The following CSF2RA variants were observed in gnomAD, a reference collection of about 807,000 sequenced individuals.
CSF2RA encodes the protein colony stimulating factor 2 receptor subunit alpha.
A neutral mutation model predicts 51.6 loss-of-function variants in CSF2RA; 42 were observed. The observed-to-expected ratio is 0.81, with a 90% confidence interval of 0.64 to 1.05. CSF2RA has a LOEUF of 1.05. Among genes scored for constraint, CSF2RA ranks in the 50% least tolerant of loss-of-function variants. The probability of loss-of-function intolerance (pLI) is 0.00; values close to 1 mark genes in which losing one functional copy is unlikely to be tolerated. For missense variants in CSF2RA, 530 were observed against 501.1 expected (o/e 1.06, Z -0.55); for synonymous variants, 222 against 193.0 (o/e 1.15, Z -1.24).
chrX:1,280,136 G>A (rs1237075040), intron 2 of CSF2RA, among the ~76,000 whole-genome samples: 3 of 152,002 alleles, frequency 2.0e-5, no homozygotes, highest in Admixed American at 2.0e-4. Context: ...GGAACCTCAG[G>A]GTGGACAGAT....
Position 1,300,599 on chromosome X carries a change from A to AGC in CSF2RA, c.920_921dup (p.Ser308AlafsTer25), listed in dbSNP as rs1196937077. On this transcript the variant is annotated frameshift_variant, in exon 10 of 13. Transcript: ENST00000381529. LOFTEE classifies it high-confidence loss of function. Reference sequence around the variant, plus strand: ...TGCAGACGTCCGCATCTTGAATTGGAGCTCCTGGAGTGAAGCCATTGAATT... The same window carrying AGC: ...TGCAGACGTCCGCATCTTGAATTGGAGCGCTCCTGGAGTGAAGCCATTGAATT... 2 of 1,613,896 alleles carry AGC rather than the reference A, an allele frequency of 1.2e-6. No homozygotes were observed. Among genetic ancestry groups the AGC allele is most frequent in the African/African-American group, 2.7e-5 (2 of 75,028 alleles).
chrX:1,315,529 G>A, the CSF2RA span, among the ~76,000 whole-genome samples: 18 of 152,090 alleles, frequency 1.2e-4, no homozygotes, highest in African/African-American at 4.3e-4. Flanking sequence ...TCAGCCTCTT[G>A]AGTAGCTGAG....
chrX:1,291,290 CTTCCT>C (rs2091372311), intron 7 of CSF2RA, among the ~76,000 whole-genome samples: 3 of 131,354 alleles, frequency 2.3e-5, no homozygotes, highest in Admixed American at 2.2e-4. Flanking sequence ...TTCTTCCTTC[CTTCCT>C]TCCTTCCCTC....
rs2091386749 is a variant in CSF2RA at position 1,291,396 on chromosome X, C to T, written c.646+887C>T. ...CTCCCTTCTTCATTCCTTCCTTCTTCCTCTCCTTCCTTCTCCTTCACTCAT... is the reference window on the plus strand; with the variant it reads ...CTCCCTTCTTCATTCCTTCCTTCTTTCTCTCCTTCCTTCTCCTTCACTCAT... On this transcript the variant is annotated intron_variant, in intron 7 of 12. Coordinates refer to ENST00000381529, the MANE Select transcript of CSF2RA (RefSeq NM_172245.4). Among the ~76,000 whole-genome samples, 4 of 145,002 alleles carry T rather than the reference C, an allele frequency of 2.8e-5. 1 individual carries two copies. In the South Asian group the frequency reaches 9.4e-4, roughly 34 times the overall value.
chrX:1,314,513 T>G (rs1373887753), downstream of CSF2RA, among the ~76,000 whole-genome samples: 6 of 114,806 alleles, frequency 5.2e-5, no homozygotes, highest in African/African-American at 2.1e-4. Context: ...CCAACCGCAC[T>G]GCACCTGCCC....
chrX:1,321,602 G>C, the CSF2RA span, among the ~76,000 whole-genome samples: 1 of 151,380 alleles, frequency 6.6e-6, no homozygotes, highest in Non-Finnish European at 1.5e-5. Context: ...AACGCAGACA[G>C]CATTTCAGTA....
chrX:1,300,365 G>GA (rs372235483), intron 9 of CSF2RA, 126 bp from the exon 10 acceptor site: 93 of 1,235,202 alleles, frequency 7.5e-5, no homozygotes, highest in Non-Finnish European at 8.4e-5. Flanking sequence ...CAGAGTGGTA[G>GA]AAAAAAAAGA....
chrX:1,314,820 G>A (rs867740657), downstream of CSF2RA, among the ~76,000 whole-genome samples: 42 of 42,364 alleles, frequency 9.9e-4, no homozygotes, highest in Admixed American at 1.2e-3. Flanking sequence ...ACCCCACTGT[G>A]CCTGCCCAAC....
At chrX:1,308,304 A>C (rs1180083396) in intron 12 of CSF2RA, among the ~76,000 whole-genome samples, 1 of 152,102 alleles carries the variant, frequency 6.6e-6, no homozygotes. Flanking sequence ...CAGAGACTGA[A>C]CCCAAAAGAG....
downstream of CSF2RA, among the ~76,000 whole-genome samples, chrX:1,311,441 GT>G (rs1178834290): frequency 6.3e-3 from 294 of 46,324 alleles, no homozygotes; most frequent in East Asian, 0.024. Flanking sequence ...AAACCTGTTT[GT>G]TTTTTTTTTT....
At chrX:1,317,354 C>T in the CSF2RA span, among the ~76,000 whole-genome samples, 3 of 141,900 alleles carry the variant, frequency 2.1e-5, no homozygotes, top group African/African-American at 5.3e-5. Flanking sequence ...CGGGTTCCAG[C>T]GATTCTCCCG....
At chrX:1,269,476 C>T (rs1461551678) in intron 1 of CSF2RA, among the ~76,000 whole-genome samples, 3 of 151,822 alleles carry the variant, frequency 2.0e-5, no homozygotes, top group South Asian at 2.1e-4. Context: ...CAAAATTAGC[C>T]GGGCATGGTG....
At chrX:1,314,013 A>T (rs139517977), downstream of CSF2RA, among the ~76,000 whole-genome samples, 3,714 of 152,080 alleles carry the variant, frequency 0.024, 68 homozygotes, top group Non-Finnish European at 0.036. Flanking sequence ...TAAATAAAAT[A>T]AAATTAAATT....
At position 1,282,679 on chromosome X, in the gene CSF2RA, T is replaced by G; in HGVS notation, c.-25T>G. The G allele has an allele frequency of 1.2e-6, 2 of 1,602,734 alleles. No homozygotes were observed. Among genetic ancestry groups the G allele is most frequent in the Non-Finnish European group, 8.5e-7 (1 of 1,169,696 alleles). On this transcript the variant is annotated splice_region_variant and 5_prime_UTR_variant, in exon 3 of 13. Transcript: ENST00000381529. The stretch of plus-strand genomic sequence containing the variant: ...TGTGTGATATTTTCTCTCCTGCAGC[T>G]CTTCCCTTCTCTCTGACCAGCACCA...
chrX:1,317,961 C>T, the CSF2RA span, among the ~76,000 whole-genome samples: 11 of 151,334 alleles, frequency 7.3e-5, no homozygotes, highest in African/African-American at 2.4e-4. Context: ...CATGCACAAC[C>T]ATGACTGGCT....
chrX:1,285,761 G>T lies in CSF2RA; in HGVS notation c.77-17G>T. 1 of 1,549,926 alleles carries T rather than the reference G, an allele frequency of 6.5e-7. No individual in the cohort carries two copies. The highest frequency in any genetic ancestry group is 1.1e-5 in the South Asian group (1 of 89,366). ...AAGAAAAGAGGAAATTCTGAACCCAGTGCCCGCTCCTTGCAGATCTGCGAA... is the reference window on the plus strand; with the variant it reads ...AAGAAAAGAGGAAATTCTGAACCCATTGCCCGCTCCTTGCAGATCTGCGAA... On this transcript the variant is annotated splice_polypyrimidine_tract_variant and intron_variant, in intron 3 of 12. Transcript: ENST00000381529.
At chrX:1,278,398 C>A (rs1171484252) in intron 2 of CSF2RA, among the ~76,000 whole-genome samples, 9 of 149,372 alleles carry the variant, frequency 6.0e-5, no homozygotes, top group East Asian at 4.0e-4. Flanking sequence ...AGACTAGCTA[C>A]TCCAGAGGCC....
At chrX:1,277,925 C>T (rs1373617508) in intron 2 of CSF2RA, among the ~76,000 whole-genome samples, 2 of 135,550 alleles carry the variant, frequency 1.5e-5, no homozygotes, top group Admixed American at 1.6e-4. Flanking sequence ...TGCAGTGAGC[C>T]GAGATGGCAC....
downstream of CSF2RA, among the ~76,000 whole-genome samples, chrX:1,313,382 C>G (rs1464564433): frequency 6.6e-6 from 1 of 151,968 alleles, no homozygotes; most frequent in African/African-American, 2.4e-5. Context: ...TGCAGTGAGC[C>G]AAGATCACGC....
Sources: allele counts gnomAD v4.1 joint callset (sites outside exome capture counted in the v4.1 genomes callset), GRCh38; gene constraint gnomAD v4.1.1; transcripts MANE v1.5; gene names NCBI Gene and HGNC (gene_info 2026-07-23, HGNC 2026-07-21).